Variants in SMCO2 observed in about 807,000 individuals in gnomAD.
SMCO2 encodes single-pass membrane protein with coiled-coil domains 2, also known as single-pass membrane and coiled-coil domain-containing protein 2.
Under a neutral mutation model 29.5 loss-of-function variants are expected in SMCO2, and 25 were observed. That is an observed-to-expected ratio of 0.85 (90% CI 0.62 to 1.18). The LOEUF (loss-of-function observed/expected upper bound fraction) is 1.18. Among genes scored for constraint, SMCO2 ranks in the 50% most tolerant of loss-of-function variants. The pLI, the probability that SMCO2 is intolerant of heterozygous loss-of-function variation, is 0.00. For synonymous variants in SMCO2, 117 were observed against 123.3 expected (o/e 0.95, Z 0.34); for missense variants, 348 against 344.5 (o/e 1.01, Z -0.08).
the SMCO2 span, among the ~76,000 whole-genome samples, chr12:27,460,337 C>T: frequency 6.6e-6 from 1 of 152,198 alleles, no homozygotes; most frequent in Non-Finnish European, 1.5e-5. Flanking sequence ...CTCCCCAAAA[C>T]TTAACTACTA....
chr12:27,458,504 T>C, the SMCO2 span, among the ~76,000 whole-genome samples: 46 of 152,260 alleles, frequency 3.0e-4, 1 homozygote, highest in East Asian at 6.4e-3. Context: ...CTACAAACAA[T>C]TAAATTTAAT....
chr12:27,424,036 TA>T, the SMCO2 span: 1 of 152,248 alleles, frequency 6.6e-6, no homozygotes, highest in Non-Finnish European at 1.5e-5. Flanking sequence ...TTATATTAAT[TA>T]CATGTTCAAA....
At chr12:27,465,375 G>T (rs753608331), upstream of SMCO2, among the ~76,000 whole-genome samples, 5 of 152,182 alleles carry the variant, frequency 3.3e-5, no homozygotes, top group Non-Finnish European at 7.3e-5. Context: ...GAAATATGAG[G>T]TCACCCAGGA....
chr12:27,498,175 CA>C, intron 7 of SMCO2: 1 of 351,892 alleles, frequency 2.8e-6, no homozygotes, highest in Non-Finnish European at 5.6e-6. Context: ...TCTCGTTTGA[CA>C]AAATGCTAGA....
At chr12:27,472,433 T>A (rs1238263283) in intron 2 of SMCO2, among the ~76,000 whole-genome samples, 1 of 152,206 alleles carries the variant, frequency 6.6e-6, no homozygotes, top group African/African-American at 2.4e-5. Flanking sequence ...ATAAGGTTTT[T>A]AAACTCCACT....
intron 4 of SMCO2, among the ~76,000 whole-genome samples, chr12:27,478,501 C>G (rs1949610412): frequency 6.6e-6 from 1 of 152,140 alleles, no homozygotes. Flanking sequence ...TAGCAGCAGG[C>G]CAATCCTTGG....
chr12:27,459,193 A>G, the SMCO2 span, among the ~76,000 whole-genome samples: 1,692 of 138,056 alleles, frequency 0.012, 34 homozygotes, highest in African/African-American at 0.054. Flanking sequence ...TCTCAAAAAA[A>G]AAAAAAAAAA....
chr12:27,486,237 C>G (rs1949688072), intron 4 of SMCO2, among the ~76,000 whole-genome samples: 1 of 152,198 alleles, frequency 6.6e-6, no homozygotes, highest in African/African-American at 2.4e-5. Context: ...GGAGCTTTTT[C>G]TCTGTGCAGC....
At chr12:27,459,623 A>G in the SMCO2 span, among the ~76,000 whole-genome samples, 4 of 152,290 alleles carry the variant, frequency 2.6e-5, no homozygotes, top group South Asian at 8.3e-4. Flanking sequence ...ACCAAAAATA[A>G]AAGTTAAAAT....
In SMCO2 at chr12:27,475,697, A is replaced by C. The variant is rs545209953; in HGVS notation, c.362+784A>C. On this transcript the variant is annotated intron_variant, in intron 4 of 7. Transcript: ENST00000298876. ...AACGGAGAAAATTGACAATATTATT[A>C]AAAAAATAAATGTAACAGAAAACAC... 1.0e-5 allele frequency: 16 copies of C among 1,549,030 alleles called. No homozygotes were observed. The South Asian group carries it at 1.9e-4, about 19-fold the overall frequency.
At chr12:27,434,782 G>A in the SMCO2 span, among the ~76,000 whole-genome samples, 3 of 152,302 alleles carry the variant, frequency 2.0e-5, no homozygotes, top group East Asian at 5.8e-4. Flanking sequence ...TTTAAGGGAA[G>A]GGGGTACTGT....
In SMCO2 at chr12:27,484,513, A is replaced by AT. The variant is rs555548387; in HGVS notation, c.363-3940dup. ...GCAGAGTATATAATTATATACTGAC[A>AT]TTTTTTTCTCAGTACTTTAAAGATG... On this transcript the variant is annotated intron_variant, in intron 4 of 7. Coordinates refer to ENST00000298876, the Ensembl canonical transcript of SMCO2. Among the ~76,000 whole-genome samples the AT allele has an allele frequency of 1.4e-4, 21 of 152,230 alleles. No homozygotes were observed. The South Asian group carries it at 3.1e-3, about 23-fold the overall frequency.
chr12:27,458,777 C>T, the SMCO2 span, among the ~76,000 whole-genome samples: 3 of 151,708 alleles, frequency 2.0e-5, no homozygotes, highest in Non-Finnish European at 4.4e-5. Context: ...GTACCAGTTA[C>T]TCTGGAGGCT....
the SMCO2 span, among the ~76,000 whole-genome samples, chr12:27,452,846 G>A: frequency 5.3e-5 from 8 of 152,120 alleles, no homozygotes; most frequent in African/African-American, 1.9e-4. Flanking sequence ...TGGGATTGCT[G>A]GATTGTATGG....
At chr12:27,437,733 A>G in the SMCO2 span, among the ~76,000 whole-genome samples, 1 of 152,196 alleles carries the variant, frequency 6.6e-6, no homozygotes, top group African/African-American at 2.4e-5. Flanking sequence ...CTAAACTACC[A>G]GTTCACCTGC....
chr12:27,432,868 C>T, the SMCO2 span, among the ~76,000 whole-genome samples: 1 of 152,182 alleles, frequency 6.6e-6, no homozygotes, highest in African/African-American at 2.4e-5. Context: ...GAGAAATCCT[C>T]CCAGACAAAT....
chr12:27,456,625 G>A, the SMCO2 span, among the ~76,000 whole-genome samples: 1 of 152,160 alleles, frequency 6.6e-6, no homozygotes, highest in Non-Finnish European at 1.5e-5. Context: ...TAAAATAAAA[G>A]GATTAAAATC....
the SMCO2 span, among the ~76,000 whole-genome samples, chr12:27,460,399 C>A: frequency 3.3e-5 from 5 of 152,144 alleles, no homozygotes; most frequent in African/African-American, 1.2e-4. Context: ...AGTAAATTAA[C>A]ACAGATTTTG....
the SMCO2 span, among the ~76,000 whole-genome samples, chr12:27,433,493 A>T: frequency 7.3e-6 from 1 of 136,344 alleles, no homozygotes; most frequent in African/African-American, 2.8e-5. Flanking sequence ...CCATGGGCAG[A>T]TGCAGATGTG....
Sources: gnomAD v4.1 joint callset for allele counts (sites outside exome capture counted in the v4.1 genomes callset) on GRCh38, gnomAD v4.1.1 for gene constraint, MANE v1.5 for transcripts, NCBI Gene and HGNC (gene_info 2026-07-23, HGNC 2026-07-21) for gene names.